Variants in NOL9 observed in about 807,000 individuals in gnomAD.
NOL9 encodes polynucleotide 5'-hydroxyl-kinase NOL9.
A neutral mutation model predicts 67.9 loss-of-function variants in NOL9; 28 were observed. The observed-to-expected ratio is 0.41, with a 90% CI of 0.31 to 0.57. NOL9 has a LOEUF of 0.57. Ranked by LOEUF, NOL9 falls within the 20% of genes least tolerant of loss-of-function variation. The pLI is 0.25. For missense variants in NOL9, 777 were observed against 897.0 expected, an observed-to-expected ratio of 0.87 and a Z score of 1.71; for synonymous variants, 356 against 352.2, an observed-to-expected ratio of 1.01 and a Z score of -0.12.
Position 6,550,423 on chromosome 1 carries a change from T to G in NOL9, c.589A>C (p.Asn197His), listed in dbSNP as rs749006468. 2 of 1,614,152 alleles carry G rather than the reference T, an allele frequency of 1.2e-6. No individual in the cohort carries two copies. Among genetic ancestry groups the G allele is most frequent in the South Asian group, 1.1e-5 (1 of 91,080 alleles). ...SKKELKREAR[N>H]LLKSHLNLDD... Reference sequence around the variant, plus strand: ...AGGTTAAGATGAGATTTGAGCAAATTCCGGGCTTCCCTTTTCAGTTCCTTC... The same window carrying G: ...AGGTTAAGATGAGATTTGAGCAAATGCCGGGCTTCCCTTTTCAGTTCCTTC... Residue 197 changes from asparagine to histidine, a missense_variant, in exon 2 of 12, where the codon AAT (asparagine) becomes CAT (histidine). By Grantham distance (68) the Asn-to-His change is moderately conservative. Transcript: ENST00000377705.
chr1:6,532,391 G>C, intron 8 of NOL9, 72 bp downstream of exon 8: 1 of 1,423,504 alleles, frequency 7.0e-7, no homozygotes, highest in Admixed American at 1.9e-5. Flanking sequence ...CAGGCCTTTA[G>C]AGGAATTGAG....
chr1:6,535,263 C>A (rs1363924232), intron 6 of NOL9, among the ~76,000 whole-genome samples: 1 of 152,208 alleles, frequency 6.6e-6, no homozygotes, highest in African/African-American at 2.4e-5. Context: ...AGGCAACAAG[C>A]GTGCACAGTA....
intron 6 of NOL9, among the ~76,000 whole-genome samples, chr1:6,539,919 G>A (rs1639239293): frequency 6.6e-6 from 1 of 152,218 alleles, no homozygotes; most frequent in Non-Finnish European, 1.5e-5. Context: ...GGGACAAAAA[G>A]TAGAACAGAG....
At chr1:6,552,506 T>A (rs1639565034) in intron 1 of NOL9, among the ~76,000 whole-genome samples, 1 of 152,122 alleles carries the variant, frequency 6.6e-6, no homozygotes, top group Non-Finnish European at 1.5e-5. Context: ...TACCACAACC[T>A]CCACCTCCCA....
chr1:6,547,519 A>G (rs899580413), intron 3 of NOL9, among the ~76,000 whole-genome samples: 1 of 96,306 alleles, frequency 1.0e-5, no homozygotes, highest in African/African-American at 5.7e-5. Context: ...AAGGAAATGG[A>G]AAAAAAAAAA....
In NOL9 at chr1:6,554,424, G is replaced by T; in HGVS notation, c.79C>A (p.Leu27Ile). 1 of 1,540,960 alleles carries T rather than the reference G, an allele frequency of 6.5e-7. No individual in the cohort carries two copies. Residue 27 changes from leucine (L) to isoleucine (I), a missense_variant, in exon 1 of 12, where the codon CTC (leucine) becomes ATC (isoleucine). Coordinates refer to ENST00000377705, the MANE Select transcript of NOL9 (RefSeq NM_024654.5). ...CGGCGGGGCCGGCGGCTGAGGATGA[G>T]CTGGGGCCGGGCCTTGCGGACCCGC... ...WLRVRKARPQ[L>I]ILSRRPRRRL...
At chr1:6,532,335 T>C (rs1639047567) in intron 8 of NOL9, 128 bp downstream of exon 8, 1 of 895,916 alleles carries the variant, frequency 1.1e-6, no homozygotes, top group Non-Finnish European at 1.7e-6. Flanking sequence ...TGGTTCGTCT[T>C]TGTGCATGCA....
chr1:6,532,725 A>G lies in NOL9; in HGVS notation c.1273T>C (p.Leu425=), dbSNP rs1046943414. Residue 425 remains leucine, a synonymous_variant, in exon 8 of 12, where the codon TTG becomes CTG. Coordinates refer to ENST00000377705, the MANE Select transcript of NOL9 (RefSeq NM_024654.5). Reference sequence around the variant, plus strand: ...TGAACCACGTGGCTGGGAGACAGCAATCGGATCAGATCAATGAGAAGCAGG... The same window carrying G: ...TGAACCACGTGGCTGGGAGACAGCAGTCGGATCAGATCAATGAGAAGCAGG... ...GLLLLIDLIR[L]LSPSHVVQFR... The G allele has an allele frequency of 6.2e-7, 1 of 1,613,902 alleles. No homozygotes were observed. The highest frequency in any genetic ancestry group is 8.5e-7 in the Non-Finnish European group (1 of 1,179,790).
rs867171757 is a variant in NOL9, at chr1:6,551,658, A to G, written c.397-1043T>C. On this transcript the variant is annotated intron_variant, in intron 1 of 11. Coordinates refer to ENST00000377705, the MANE Select transcript of NOL9 (RefSeq NM_024654.5). ...AAATTTAAAAGGCTGCAGCCATAAA[A>G]AGGGATGAGATCATGTCCTTTGCAG... is the stretch of plus-strand genomic sequence containing the variant. Among the ~76,000 whole-genome samples, 175 of 152,222 alleles carry G rather than the reference A, an allele frequency of 1.1e-3. 3 individuals are homozygous for G. The Middle Eastern group carries it at 0.034, about 30-fold the overall frequency.
intron 5 of NOL9, among the ~76,000 whole-genome samples, chr1:6,544,569 A>T (rs1639379696): frequency 6.0e-5 from 1 of 16,786 alleles, no homozygotes; most frequent in African/African-American, 9.6e-5. Context: ...CCACCCCAGA[A>T]CTTATAAATA....
intron 1 of NOL9, among the ~76,000 whole-genome samples, chr1:6,551,981 G>C (rs1317375013): frequency 6.6e-6 from 1 of 152,142 alleles, no homozygotes; most frequent in East Asian, 1.9e-4. Context: ...CTTGCAGTGA[G>C]CCCAGATTGC....
intron 2 of NOL9, 146 bp from the exon 3 acceptor site, chr1:6,549,844 T>C (rs1267331226): frequency 5.7e-6 from 5 of 873,380 alleles, no homozygotes; most frequent in Non-Finnish European, 8.7e-6. Flanking sequence ...CCGTACTACA[T>C]ACTAAGAACA....
At chr1:6,539,729 C>T (rs571241133) in intron 6 of NOL9, among the ~76,000 whole-genome samples, 4 of 152,174 alleles carry the variant, frequency 2.6e-5, no homozygotes, top group Non-Finnish European at 2.9e-5. Context: ...AGCAATCTGC[C>T]GGCCTTGGCC....
At chr1:6,529,979 T>C (rs1638984857) in intron 9 of NOL9, among the ~76,000 whole-genome samples, 1 of 151,856 alleles carries the variant, frequency 6.6e-6, no homozygotes, top group Non-Finnish European at 1.5e-5. Flanking sequence ...TTTAGCCAAG[T>C]GTGGTGGCGC....
At chr1:6,545,303 TG>T in intron 3 of NOL9, 123 bp from the exon 4 acceptor site, 1 of 958,366 alleles carries the variant, frequency 1.0e-6, no homozygotes, top group Non-Finnish European at 1.5e-6. Context: ...CTTTGTCTCC[TG>T]CCCCAAAATC....
chr1:6,539,694 C>T (rs1557788371), intron 6 of NOL9, among the ~76,000 whole-genome samples: 3 of 152,148 alleles, frequency 2.0e-5, no homozygotes, highest in South Asian at 4.2e-4. Flanking sequence ...CACCATGCTA[C>T]CCTGGTCTCA....
At position 6,525,398 on chromosome 1, in the gene NOL9, C is replaced by T. The variant is rs1365920665; in HGVS notation, c.*456G>A. 2 of 179,262 alleles carry T rather than the reference C, an allele frequency of 1.1e-5. No homozygotes were observed. The highest frequency in any genetic ancestry group is 2.4e-5 in the African/African-American group (1 of 41,204). 11.1% of individuals were successfully genotyped at this position (179,262 alleles called of 1,614,324 possible). A position where few individuals can be genotyped will look rare whatever the true frequency, so the allele number is the denominator to read the frequency against. On this transcript the variant is annotated 3_prime_UTR_variant, in exon 12 of 12. Transcript: ENST00000377705. ...CCACACTGGCTCCAAGGAAGCAGAC[C>T]GCTGGACCCCAGCTCTGCACATGGC...
chr1:6,554,257 G>C lies in NOL9; in HGVS notation c.246C>G (p.Thr82=), dbSNP rs1187277178. 40 of 1,491,358 alleles carry C rather than the reference G, an allele frequency of 2.7e-5. No individual in the cohort carries two copies. The East Asian group carries it at 1.1e-3, about 42-fold the overall frequency. 92.4% of individuals were successfully genotyped at this position (1,491,358 alleles called of 1,614,324 possible). ...AAAARRPNTA[T]PSPIPSPTPA... The stretch of plus-strand genomic sequence containing the variant: ...GGGTCGGGCTAGGGATCGGGCTGGG[G>C]GTCGCGGTGTTGGGTCTCCGGGCCG... Residue 82 remains threonine, a synonymous_variant, in exon 1 of 12, where the codon ACC becomes ACG. Transcript: ENST00000377705.
At chr1:6,534,277 G>C (rs118175823) in intron 6 of NOL9, among the ~76,000 whole-genome samples, 1 of 152,288 alleles carries the variant, frequency 6.6e-6, no homozygotes, top group East Asian at 1.9e-4. Context: ...ACTTGAACAA[G>C]GTCAGCCAGT....
Sources: gnomAD v4.1 joint callset for allele counts (sites outside exome capture counted in the v4.1 genomes callset) on GRCh38, gnomAD v4.1.1 for gene constraint, MANE v1.5 for transcripts, NCBI Gene and HGNC (gene_info 2026-07-23, HGNC 2026-07-21) for gene names.